SPON1: variants seen among roughly 807,000 people sequenced by gnomAD.
SPON1 encodes the protein spondin 1.
In SPON1, 52 loss-of-function variants were observed where a neutral mutation model predicts 111.7. The observed-to-expected ratio is 0.47, with a 90% confidence interval of 0.37 to 0.59. The LOEUF is 0.59. Ranked by LOEUF, SPON1 falls within the 20% of genes least tolerant of loss-of-function variation. The probability of loss-of-function intolerance (pLI) is 0.00; values close to 1 mark genes in which losing one functional copy is unlikely to be tolerated. For missense variants in SPON1, 957 were observed against 1,068.5 expected, an observed-to-expected ratio of 0.90 and a Z score of 1.46; for synonymous variants, 410 against 395.8, an observed-to-expected ratio of 1.04 and a Z score of -0.43.
At chr11:14,200,987 G>T (rs555076192) in intron 6 of SPON1, among the ~76,000 whole-genome samples, 1 of 151,960 alleles carries the variant, frequency 6.6e-6, no homozygotes, top group Non-Finnish European at 1.5e-5. Context: ...GCATGGCTTT[G>T]GCAAGTTACC....
At position 14,041,654 on chromosome 11, in the gene SPON1, A is replaced by C. The variant is rs1211765007; in HGVS notation, c.479A>C (p.Lys160Thr). ...GCGGGAACAGGCTGCGTGATTCTGA[A>C]GTAAGTAAACATGGAATCCTTCCCT... Reference protein sequence around the residue: ...PPAGTGCVILKASIVQKRIIY... With the variant: ...PPAGTGCVILTASIVQKRIIY... The change falls in exon 3 of 16, where the codon AAG (lysine) becomes ACG (threonine). Residue 160 changes from lysine (K) to threonine (T), a missense_variant and splice_region_variant. By Grantham distance (78) the Lys-to-Thr change is moderately conservative. Transcript: ENST00000576479. The C allele has an allele frequency of 1.9e-6, 3 of 1,613,702 alleles. No individual in the cohort carries two copies. In the African/African-American group the frequency reaches 4.0e-5, roughly 22 times the overall value.
intron 13 of SPON1, 79 bp from the exon 14 acceptor site, chr11:14,260,509 G>C (rs1235902361): frequency 1.3e-6 from 2 of 1,491,020 alleles, no homozygotes; most frequent in Admixed American, 3.9e-5. Context: ...GGGACTCGGT[G>C]TGGAACACTG....
intron 3 of SPON1, among the ~76,000 whole-genome samples, chr11:14,053,967 C>T (rs1322678534): frequency 6.6e-6 from 1 of 152,310 alleles, no homozygotes; most frequent in South Asian, 2.1e-4. Flanking sequence ...TAGATGCTCT[C>T]CTGCTCTACC....
intron 6 of SPON1, among the ~76,000 whole-genome samples, chr11:14,168,627 A>T (rs1351886792): frequency 2.0e-5 from 3 of 151,776 alleles, no homozygotes; most frequent in African/African-American, 7.3e-5. Flanking sequence ...AGCATTAGGT[A>T]TATCTCCTAA....
At chr11:13,998,410 CA>C (rs1848290119) in intron 2 of SPON1, among the ~76,000 whole-genome samples, 1 of 152,232 alleles carries the variant, frequency 6.6e-6, no homozygotes, top group Admixed American at 6.5e-5. Flanking sequence ...TACAGCTTCA[CA>C]GATCCACCAG....
At chr11:14,038,036 C>T (rs1848607207) in intron 2 of SPON1, among the ~76,000 whole-genome samples, 1 of 150,538 alleles carries the variant, frequency 6.6e-6, no homozygotes, top group African/African-American at 2.4e-5. Context: ...TGTAGTGGCA[C>T]ACACCTGTAA....
intron 1 of SPON1, among the ~76,000 whole-genome samples, chr11:13,975,224 T>C (rs1336448225): frequency 2.6e-5 from 4 of 152,232 alleles, no homozygotes; most frequent in East Asian, 3.9e-4. Flanking sequence ...ATGTCTTTTT[T>C]ACTCTGTGTC....
chr11:14,195,926 C>G (rs1469664439), intron 6 of SPON1, among the ~76,000 whole-genome samples: 3 of 152,138 alleles, frequency 2.0e-5, no homozygotes, highest in African/African-American at 7.2e-5. Context: ...AGGGTGTATA[C>G]ATTCTTAGTG....
intron 6 of SPON1, among the ~76,000 whole-genome samples, chr11:14,212,016 G>T (rs1413267189): frequency 6.6e-6 from 1 of 151,938 alleles, no homozygotes; most frequent in Non-Finnish European, 1.5e-5. Context: ...AGTTAAGGTA[G>T]TAAATAGTAT....
intron 6 of SPON1, among the ~76,000 whole-genome samples, chr11:14,202,024 A>T (rs1051078307): frequency 4.6e-5 from 7 of 152,250 alleles, no homozygotes; most frequent in African/African-American, 1.7e-4. Flanking sequence ...GTTTGAAAAG[A>T]TATCATAGTT....
intron 6 of SPON1, among the ~76,000 whole-genome samples, chr11:14,196,974 C>T (rs564744879): frequency 1.5e-4 from 23 of 152,166 alleles, no homozygotes; most frequent in African/African-American, 5.1e-4. Flanking sequence ...CTCTTGAACC[C>T]GGGAGGCTGG....
rs1173045440 is a variant in SPON1 at position 14,135,852 on chromosome 11, C to G, written c.825+284C>G. Among the ~76,000 whole-genome samples, 1 of 152,140 alleles carries G rather than the reference C, an allele frequency of 6.6e-6. No homozygotes were observed. The highest frequency in any genetic ancestry group is 1.5e-5 in the Non-Finnish European group (1 of 68,026). On this transcript the variant is annotated intron_variant, in intron 6 of 15. Transcript: ENST00000576479. The surrounding 1 kb of genome is among the most constrained non-coding windows in gnomAD (Gnocchi z 4.4). ...GCCTTGTCTCTAGTCTCCTGAGAGT[C>G]AAAGCCATGAATTAAGGTTTTCTTA...
chr11:14,143,046 G>A (rs1847674946), intron 6 of SPON1, among the ~76,000 whole-genome samples: 1 of 152,188 alleles, frequency 6.6e-6, no homozygotes. Context: ...CCAAATGGTA[G>A]CCATAGGATC....
At chr11:14,170,052 T>C (rs1297905848) in intron 6 of SPON1, among the ~76,000 whole-genome samples, 3 of 152,230 alleles carry the variant, frequency 2.0e-5, no homozygotes, top group African/African-American at 7.2e-5. Context: ...GGTAGCTTGA[T>C]GGGGATGGCA....
intron 14 of SPON1, among the ~76,000 whole-genome samples, chr11:14,262,036 A>C (rs1554941954): frequency 6.6e-6 from 1 of 152,108 alleles, no homozygotes; most frequent in African/African-American, 2.4e-5. Context: ...TGACAGTCAA[A>C]CTGATGTGTT....
At chr11:13,980,124 T>C (rs1211190689) in intron 1 of SPON1, among the ~76,000 whole-genome samples, 1 of 152,082 alleles carries the variant, frequency 6.6e-6, no homozygotes, top group Non-Finnish European at 1.5e-5. Context: ...CACTGCAACC[T>C]CTGCCTCCTG....
intron 2 of SPON1, among the ~76,000 whole-genome samples, chr11:13,992,711 C>T (rs1407517705): frequency 4.6e-5 from 7 of 152,154 alleles, no homozygotes; most frequent in Non-Finnish European, 8.8e-5. Context: ...GAGGAAGTCT[C>T]CTGGTTTGTG....
chr11:14,196,724 C>T (rs1564928913), intron 6 of SPON1, among the ~76,000 whole-genome samples: 2 of 152,172 alleles, frequency 1.3e-5, no homozygotes, highest in Non-Finnish European at 2.9e-5. Context: ...TAACCTGCCT[C>T]TTCCAGAACT....
intron 6 of SPON1, among the ~76,000 whole-genome samples, chr11:14,240,907 A>C (rs1347856454): frequency 6.6e-6 from 1 of 152,218 alleles, no homozygotes; most frequent in East Asian, 1.9e-4. Flanking sequence ...ACACTTTAAA[A>C]ATCAAAAAAG....
Sources: allele counts gnomAD v4.1 joint callset (sites outside exome capture counted in the v4.1 genomes callset), GRCh38; gene constraint gnomAD v4.1.1; non-coding constraint Gnocchi (gnomAD v3.1); transcripts MANE v1.5; gene names NCBI Gene and HGNC (gene_info 2026-07-23, HGNC 2026-07-21).